The following DPYSL2 variants were observed in gnomAD, a reference collection of about 807,000 sequenced individuals.
The protein encoded by DPYSL2 is dihydropyrimidinase-related protein 2.
In DPYSL2, 13 loss-of-function variants were observed where a neutral mutation model predicts 69.9. The ratio of observed to expected loss-of-function variants is 0.19; its 90% confidence interval spans 0.12 to 0.30. The LOEUF is 0.30. Ranked by LOEUF, DPYSL2 falls within the 10% of genes least tolerant of loss-of-function variation. DPYSL2 has a pLI of 1.00. For synonymous variants in DPYSL2, 326 were observed against 359.1 expected (o/e 0.91, Z 1.04); for missense variants, 587 against 918.9 (o/e 0.64, Z 4.67).
chr8:26,574,481 A>C (rs1472496146), intron 1 of DPYSL2, among the ~76,000 whole-genome samples: 3 of 152,200 alleles, frequency 2.0e-5, no homozygotes, highest in Non-Finnish European at 4.4e-5. Flanking sequence ...TTACCATTTC[A>C]CTAAACCATT....
chr8:26,590,153 C>A (rs1293079678), intron 3 of DPYSL2, among the ~76,000 whole-genome samples: 2 of 152,196 alleles, frequency 1.3e-5, no homozygotes, highest in African/African-American at 2.4e-5. Context: ...TCATTTGACT[C>A]GGGTTAGAAA....
Position 26,655,398 on chromosome 8 carries a change from G to A in DPYSL2, c.1943-217G>A, listed in dbSNP as rs577158836. ...GTGGTCCCAGCTTCTTGAGGGGGCC[G>A]AGTGGGAGGATGGCTTAAGCCCAGG... is the stretch of plus-strand genomic sequence containing the variant. On this transcript the variant is annotated intron_variant, in intron 13 of 13. Transcript: ENST00000521913. Among the ~76,000 whole-genome samples the A allele has an allele frequency of 2.2e-4, 34 of 152,230 alleles. 2 individuals are homozygous for A. In the South Asian group the frequency reaches 6.6e-3, roughly 30 times the overall value.
At chr8:26,551,559 A>C (rs1800874451) in intron 1 of DPYSL2, among the ~76,000 whole-genome samples, 1 of 152,176 alleles carries the variant, frequency 6.6e-6, no homozygotes, top group African/African-American at 2.4e-5. Context: ...GACATAACAG[A>C]ACTAACACCA....
Position 26,605,093 on chromosome 8 carries a change from C to T in DPYSL2, c.629-19050C>T, listed in dbSNP as rs1284002332. Among the ~76,000 whole-genome samples the T allele has an allele frequency of 2.0e-5, 3 of 152,092 alleles. No homozygotes were observed. The highest frequency in any genetic ancestry group is 7.2e-5 in the African/African-American group (3 of 41,414). On this transcript the variant is annotated intron_variant, in intron 3 of 13. Coordinates refer to ENST00000521913, the MANE Select transcript of DPYSL2 (RefSeq NM_001197293.3). The surrounding 1 kb of genome is among the most constrained non-coding windows in gnomAD (Gnocchi z 4.1). The stretch of plus-strand genomic sequence containing the variant: ...GTGCGGAAATCAGTCACCCAGTCAC[C>T]TGAACTTCCATTTAACATCAGGTCC...
At chr8:26,651,473 G>A (rs922048073) in intron 11 of DPYSL2, among the ~76,000 whole-genome samples, 32 of 152,290 alleles carry the variant, frequency 2.1e-4, no homozygotes, top group African/African-American at 6.3e-4. Flanking sequence ...ATTGGTCCCC[G>A]TGAACCAAAC....
rs1585569639 is a variant in DPYSL2 at position 26,643,850 on chromosome 8, G to A, written c.1284-100G>A. The A allele has an allele frequency of 4.1e-6, 6 of 1,459,482 alleles. No individual in the cohort carries two copies. In the East Asian group the frequency reaches 1.5e-4, roughly 35 times the overall value. 90.4% of individuals were successfully genotyped at this position (1,459,482 alleles called of 1,614,324 possible). A position where few individuals can be genotyped will look rare whatever the true frequency, so the allele number is the denominator to read the frequency against. On this transcript the variant is annotated intron_variant, in intron 9 of 13. Coordinates refer to ENST00000521913, the MANE Select transcript of DPYSL2 (RefSeq NM_001197293.3). This position sits in a 1 kb window ranked among gnomAD's most constrained non-coding sequence, Gnocchi z 6.5. ...AGGAGGCGTCAAAAGGACTCCACTT[G>A]GGTTGGTGTGATGCCATTCATGAGA...
chr8:26,578,564 T>C (rs1255911595), intron 1 of DPYSL2: 14 of 1,360,304 alleles, frequency 1.0e-5, no homozygotes, highest in Non-Finnish European at 1.2e-5. Flanking sequence ...TATCTTTTAT[T>C]GTCAGTGAGA....
rs1802581469 is a variant in DPYSL2, at chr8:26,624,910, C to T, written c.793+603C>T. Among the ~76,000 whole-genome samples, 1 of 152,116 alleles carries T rather than the reference C, an allele frequency of 6.6e-6. No homozygotes were observed. Among genetic ancestry groups the T allele is most frequent in the African/African-American group, 2.4e-5 (1 of 41,412 alleles). ...CCTCTGGGACTCTTGTCAACAAGAA[C>T]CTCGGGGGTTTGCGGGGAAGAGCCA... On this transcript the variant is annotated intron_variant, in intron 4 of 13. Coordinates refer to ENST00000521913, the MANE Select transcript of DPYSL2 (RefSeq NM_001197293.3). The surrounding 1 kb of genome is among the most constrained non-coding windows in gnomAD (Gnocchi z 4.7).
At chr8:26,559,742 A>T (rs1801043743) in intron 1 of DPYSL2, among the ~76,000 whole-genome samples, 1 of 152,180 alleles carries the variant, frequency 6.6e-6, no homozygotes, top group South Asian at 2.1e-4. Flanking sequence ...GTATATTAAG[A>T]CATTTAAATT....
intron 1 of DPYSL2, among the ~76,000 whole-genome samples, chr8:26,538,370 C>T (rs1018194908): frequency 4.6e-5 from 7 of 152,108 alleles, no homozygotes; most frequent in African/African-American, 1.4e-4. Context: ...CTGAGGATGA[C>T]CACATAGAAA....
chr8:26,578,020 T>G, intron 1 of DPYSL2: 1 of 1,389,006 alleles, frequency 7.2e-7, no homozygotes, highest in African/African-American at 1.6e-5. Flanking sequence ...TCTCTCTCTT[T>G]TTTTTCCGCC....
intron 3 of DPYSL2, among the ~76,000 whole-genome samples, chr8:26,611,759 G>C (rs544139069): frequency 6.6e-6 from 1 of 152,174 alleles, no homozygotes; most frequent in East Asian, 1.9e-4. Flanking sequence ...CCTGCTTTAC[G>C]GATGGCATTT....
Position 26,582,750 on chromosome 8 carries a change from A to G in DPYSL2, c.443+693A>G, listed in dbSNP as rs961295633. Among the ~76,000 whole-genome samples the G allele has an allele frequency of 1.3e-5, 2 of 152,180 alleles. No individual in the cohort carries two copies. The highest frequency in any genetic ancestry group is 2.9e-5 in the Non-Finnish European group (2 of 68,028). Reference sequence around the variant, plus strand: ...GGGGTAGCTCCCGGGGCTCTGGAGAAATAGCACATCTGTTTGAAGACAAAC... The same window carrying G: ...GGGGTAGCTCCCGGGGCTCTGGAGAGATAGCACATCTGTTTGAAGACAAAC... On this transcript the variant is annotated intron_variant, in intron 2 of 13. Transcript: ENST00000521913. This position sits in a 1 kb window ranked among gnomAD's most constrained non-coding sequence, Gnocchi z 4.1.
Position 26,641,935 on chromosome 8 carries a change from G to C in DPYSL2, c.1127-1504G>C, listed in dbSNP as rs1652060280. Reference sequence around the variant, plus strand: ...GGAGGGTGTTGTGGTGTATCATCAAGTGATAAGGCCTTCGGAAAGGCTGTG... The same window carrying C: ...GGAGGGTGTTGTGGTGTATCATCAACTGATAAGGCCTTCGGAAAGGCTGTG... On this transcript the variant is annotated intron_variant, in intron 8 of 13. Transcript: ENST00000521913. This position sits in a 1 kb window ranked among gnomAD's most constrained non-coding sequence, Gnocchi z 4.1. 6.6e-6 allele frequency among the ~76,000 whole-genome samples: 1 copy of C among 152,322 alleles called. No homozygotes were observed. The highest frequency in any genetic ancestry group is 1.9e-4 in the East Asian group (1 of 5,172).
At chr8:26,622,472 GTATA>G (rs1485083421) in intron 3 of DPYSL2, among the ~76,000 whole-genome samples, 9 of 124,496 alleles carry the variant, frequency 7.2e-5, no homozygotes, top group African/African-American at 2.1e-4. Context: ...GTGTGTGTGT[GTATA>G]TGTGTGTGTG....
At chr8:26,561,712 C>A (rs1801073879) in intron 1 of DPYSL2, among the ~76,000 whole-genome samples, 1 of 152,204 alleles carries the variant, frequency 6.6e-6, no homozygotes, top group African/African-American at 2.4e-5. Flanking sequence ...TGTCCCACCT[C>A]AGATCATCAG....
intron 3 of DPYSL2, among the ~76,000 whole-genome samples, chr8:26,599,414 CTCTT>C (rs1472868047): frequency 7.9e-5 from 12 of 152,146 alleles, no homozygotes; most frequent in South Asian, 2.1e-4. Context: ...ATTAGCTTGG[CTCTT>C]TCTTCTCCTC....
rs1355826080 is a variant in DPYSL2, at chr8:26,547,974, C to G, written c.354+33295C>G. 2.4e-5 allele frequency: 6 copies of G among 254,478 alleles called. No homozygotes were observed. In the East Asian group the frequency reaches 5.5e-4, roughly 23 times the overall value. The allele number at this position is 254,478 out of a possible 1,614,324, so 15.8% of individuals were successfully genotyped here. A position where few individuals can be genotyped will look rare whatever the true frequency, so the allele number is the denominator to read the frequency against. ...TAAGCAGGAGGAGAAAGAAGTCTCC[C>G]TGGCATGAGAAGGTCCTTTTCCTGT... is the stretch of plus-strand genomic sequence containing the variant. On this transcript the variant is annotated intron_variant, in intron 1 of 13. Transcript: ENST00000521913.
rs150597737 is a variant in DPYSL2, at chr8:26,588,642, G to T, written c.628+4659G>T. On this transcript the variant is annotated intron_variant, in intron 3 of 13. Coordinates refer to ENST00000521913, the MANE Select transcript of DPYSL2 (RefSeq NM_001197293.3). This position sits in a 1 kb window ranked among gnomAD's most constrained non-coding sequence, Gnocchi z 5.4. ...TGGACTCTAGCAGGGAGGAGGAGGG[G>T]AGGTGCTGCTGCCGCAGGGCTGGAA... Among the ~76,000 whole-genome samples the T allele has an allele frequency of 1.1e-4, 16 of 152,232 alleles. No individual in the cohort carries two copies. The East Asian group carries it at 3.1e-3, about 30-fold the overall frequency.
Sources: gnomAD v4.1 joint callset for allele counts (sites outside exome capture counted in the v4.1 genomes callset) on GRCh38, gnomAD v4.1.1 for gene constraint, Gnocchi (gnomAD v3.1) non-coding constraint, MANE v1.5 for transcripts, NCBI Gene and HGNC (gene_info 2026-07-23, HGNC 2026-07-21) for gene names.